NTRK3: variants seen among roughly 807,000 people sequenced by gnomAD.
The protein encoded by NTRK3 is NT-3 growth factor receptor.
NTRK3 carries 24 observed loss-of-function variants against 91.7 expected under a neutral mutation model. That is an observed-to-expected ratio of 0.26 (90% CI 0.19 to 0.37). The LOEUF is 0.37. NTRK3 is among the 10% of genes least tolerant of loss of function. The pLI, the probability that NTRK3 is intolerant of heterozygous loss-of-function variation, is 1.00. For synonymous variants in NTRK3, 483 were observed against 404.0 expected, an observed-to-expected ratio of 1.20 and a Z score of -2.34; for missense variants, 880 against 1,068.9, an observed-to-expected ratio of 0.82 and a Z score of 2.46.
At chr15:88,116,756 C>G (rs557740328) in intron 13 of NTRK3, among the ~76,000 whole-genome samples, 16 of 152,298 alleles carry the variant, frequency 1.1e-4, no homozygotes, top group Middle Eastern at 3.4e-3. Context: ...CTTGCATGTT[C>G]AAGTTTGAGA....
intron 17 of NTRK3, among the ~76,000 whole-genome samples, chr15:87,903,758 A>G (rs1272985334): frequency 6.6e-6 from 1 of 152,226 alleles, no homozygotes; most frequent in Non-Finnish European, 1.5e-5. Flanking sequence ...CCAGAAGGCC[A>G]GTCTTAATGA....
At chr15:88,213,345 C>T (rs2049428517) in intron 3 of NTRK3, among the ~76,000 whole-genome samples, 2 of 152,168 alleles carry the variant, frequency 1.3e-5, no homozygotes, top group South Asian at 4.1e-4. Flanking sequence ...TCTGGGTTCT[C>T]CCACTTTCTA....
chr15:87,918,647 C>T (rs2067632147), intron 17 of NTRK3, among the ~76,000 whole-genome samples: 1 of 152,206 alleles, frequency 6.6e-6, no homozygotes, highest in Admixed American at 6.5e-5. Flanking sequence ...GATAGAGCAA[C>T]ACATTTTTAT....
intron 5 of NTRK3, among the ~76,000 whole-genome samples, chr15:88,176,494 G>A (rs2046011152): frequency 6.6e-6 from 1 of 152,130 alleles, no homozygotes; most frequent in African/African-American, 2.4e-5. Flanking sequence ...GAAGTGTGAG[G>A]ATCCCTGGCT....
At chr15:87,961,105 C>T (rs1453242615) in intron 14 of NTRK3, among the ~76,000 whole-genome samples, 2 of 152,188 alleles carry the variant, frequency 1.3e-5, no homozygotes, top group Non-Finnish European at 2.9e-5. Context: ...AGCAGCCTTG[C>T]ATCTGATGAG....
intron 15 of NTRK3, among the ~76,000 whole-genome samples, chr15:87,939,025 C>A (rs552302162): frequency 1.3e-5 from 2 of 152,282 alleles, no homozygotes; most frequent in South Asian, 4.1e-4. Flanking sequence ...AATACCCGCC[C>A]TCATTAGTGA....
intron 14 of NTRK3, among the ~76,000 whole-genome samples, chr15:88,019,631 A>T (rs2077469924): frequency 6.6e-6 from 1 of 152,222 alleles, no homozygotes; most frequent in Non-Finnish European, 1.5e-5. Flanking sequence ...CCACAAGAAA[A>T]GACAACCCTG....
At chr15:88,051,432 C>G (rs562708902) in intron 13 of NTRK3, among the ~76,000 whole-genome samples, 1 of 152,304 alleles carries the variant, frequency 6.6e-6, no homozygotes, top group East Asian at 1.9e-4. Flanking sequence ...TAAGGCTTAA[C>G]AGGGAAGGAA....
intron 13 of NTRK3, among the ~76,000 whole-genome samples, chr15:88,101,322 A>T (rs1313036439): frequency 2.6e-5 from 4 of 152,254 alleles, no homozygotes; most frequent in Non-Finnish European, 5.9e-5. Context: ...ATGAGATGCC[A>T]TCTCACACCA....
chr15:88,163,660 A>G (rs2044669603), intron 5 of NTRK3, among the ~76,000 whole-genome samples: 2 of 152,208 alleles, frequency 1.3e-5, no homozygotes, highest in Non-Finnish European at 2.9e-5. Context: ...CCAAGCATAA[A>G]TGGAGGTAAT....
chr15:88,142,595 A>T (rs943776411), intron 6 of NTRK3, among the ~76,000 whole-genome samples: 1 of 152,228 alleles, frequency 6.6e-6, no homozygotes, highest in Admixed American at 6.5e-5. Context: ...GAGGGGACCC[A>T]GATCAGCCAG....
At position 87,953,255 on chromosome 15, in the gene NTRK3, C is replaced by T. The variant is rs116249495; in HGVS notation, c.1586-12502G>A. Among the ~76,000 whole-genome samples the T allele has an allele frequency of 3.3e-3, 509 of 152,316 alleles. 1 individual carries two copies. The highest frequency in any genetic ancestry group is 0.012 in the African/African-American group (490 of 41,572). On this transcript the variant is annotated intron_variant, in intron 14 of 18. Transcript: ENST00000394480. ...GCGCCCCTATCTGACCCCTGGAATC[C>T]CTCCCCTGGCTTGGGGGTCTTGGAT...
chr15:88,180,091 A>C, intron 5 of NTRK3, among the ~76,000 whole-genome samples: 1 of 152,198 alleles, frequency 6.6e-6, no homozygotes, highest in East Asian at 1.9e-4. Context: ...TTCTCTCTGA[A>C]CGCTCACTAT....
At chr15:87,952,180 GAGAAAGAAAGAAGAAAGGAA>G (rs912337554) in intron 14 of NTRK3, among the ~76,000 whole-genome samples, 4 of 138,424 alleles carry the variant, frequency 2.9e-5, no homozygotes, top group African/African-American at 1.1e-4. Flanking sequence ...AGAAAAGAAG[GAGAAAGAAAGAAGAAAGGAA>G]AGAAAGAAAG....
chr15:87,894,423 A>G (rs1158573034), intron 17 of NTRK3, among the ~76,000 whole-genome samples: 4 of 152,212 alleles, frequency 2.6e-5, no homozygotes, highest in Non-Finnish European at 5.9e-5. Context: ...GTTTAGATGG[A>G]CATGTGTGTG....
At chr15:87,953,916 T>C (rs60830996) in intron 14 of NTRK3, among the ~76,000 whole-genome samples, 8,254 of 152,102 alleles carry the variant, frequency 0.054, 405 homozygotes, top group African/African-American at 0.14. Flanking sequence ...CCCTTGCCCA[T>C]CTGCCCCTCC....
chr15:88,162,705 C>T (rs2044576805), intron 5 of NTRK3, among the ~76,000 whole-genome samples: 1 of 152,220 alleles, frequency 6.6e-6, no homozygotes, highest in South Asian at 2.1e-4. Context: ...ATAGCAAACT[C>T]ATCCAAGGAA....
intron 14 of NTRK3, among the ~76,000 whole-genome samples, chr15:87,959,305 C>G (rs2072005395): frequency 6.6e-6 from 1 of 152,202 alleles, no homozygotes; most frequent in South Asian, 2.1e-4. Flanking sequence ...TCCGCCACCA[C>G]CTGGTAGACA....
At chr15:87,976,417 TTTAC>T (rs1466611580) in intron 14 of NTRK3, among the ~76,000 whole-genome samples, 3 of 152,340 alleles carry the variant, frequency 2.0e-5, no homozygotes, top group Middle Eastern at 6.8e-3. Context: ...TCCACATTAC[TTTAC>T]TTGTCTCATC....
Sources: gnomAD v4.1 joint callset for allele counts (sites outside exome capture counted in the v4.1 genomes callset) on GRCh38, gnomAD v4.1.1 for gene constraint, MANE v1.5 for transcripts, NCBI Gene and HGNC (gene_info 2026-07-23, HGNC 2026-07-21) for gene names.